The following RUNX2 variants were observed in gnomAD, a reference collection of about 807,000 sequenced individuals.
RUNX2 encodes RUNX family transcription factor 2.
Under a neutral mutation model 51.7 loss-of-function variants are expected in RUNX2, and 10 were observed. That is an observed-to-expected ratio of 0.19 (90% CI 0.12 to 0.33). The LOEUF is 0.33. Among genes scored for constraint, RUNX2 ranks in the 10% least tolerant of loss-of-function variants. The probability of loss-of-function intolerance (pLI) is 1.00; values close to 1 mark genes in which losing one functional copy is unlikely to be tolerated. For synonymous variants in RUNX2, 276 were observed against 273.6 expected, an observed-to-expected ratio of 1.01 and a Z score of -0.09; for missense variants, 562 against 691.3, an observed-to-expected ratio of 0.81 and a Z score of 2.10.
Position 45,485,870 on chromosome 6 carries a change from C to T in RUNX2, c.686-6071C>T, listed in dbSNP as rs1454820134. ...CATGATTTTGTCAGTGAGGTTTCCT[C>T]TTTCCCCTTAGTCAAAATCAATTGC... On this transcript the variant is annotated intron_variant, in intron 5 of 8. Transcript: ENST00000647337. Among the ~76,000 whole-genome samples the T allele has an allele frequency of 2.0e-5, 3 of 151,856 alleles. No homozygotes were observed. In the East Asian group the frequency reaches 5.8e-4, roughly 29 times the overall value.
At chr6:45,422,012 C>A (rs987571849) in intron 2 of RUNX2, 1 of 149,474 alleles carries the variant, frequency 6.7e-6, no homozygotes, top group African/African-American at 2.4e-5. Flanking sequence ...GCGTGCAGCC[C>A]GCGCGGGGGG....
At chr6:45,424,581 C>T (rs1222526444) in intron 3 of RUNX2, among the ~76,000 whole-genome samples, 2 of 152,044 alleles carry the variant, frequency 1.3e-5, no homozygotes, top group Admixed American at 6.5e-5. Flanking sequence ...CCAGTTTCTC[C>T]GCTGGGGACC....
At chr6:45,459,337 A>T (rs1217726631) in intron 5 of RUNX2, among the ~76,000 whole-genome samples, 1 of 152,224 alleles carries the variant, frequency 6.6e-6, no homozygotes, top group Non-Finnish European at 1.5e-5. Context: ...TGAATTGCTG[A>T]ATATACTTGA....
At chr6:45,382,620 C>A (rs1197464862) in intron 2 of RUNX2, among the ~76,000 whole-genome samples, 4 of 152,152 alleles carry the variant, frequency 2.6e-5, no homozygotes, top group Non-Finnish European at 1.5e-5. Context: ...GCCACTGTAG[C>A]TAAAGAAGAG....
intron 2 of RUNX2, among the ~76,000 whole-genome samples, chr6:45,406,607 T>C (rs989192123): frequency 6.6e-6 from 1 of 152,192 alleles, no homozygotes; most frequent in African/African-American, 2.4e-5. Flanking sequence ...GGTTTTGCCA[T>C]GTTGGCCAGG....
At chr6:45,436,970 C>T (rs779765313) in intron 4 of RUNX2, among the ~76,000 whole-genome samples, 7 of 152,196 alleles carry the variant, frequency 4.6e-5, no homozygotes, top group Non-Finnish European at 1.0e-4. Flanking sequence ...CACTGTTTCA[C>T]GCCCACCTCT....
At chr6:45,366,600 C>A (rs1795179462) in intron 2 of RUNX2, among the ~76,000 whole-genome samples, 1 of 152,140 alleles carries the variant, frequency 6.6e-6, no homozygotes, top group African/African-American at 2.4e-5. Context: ...AGATGTATTA[C>A]CCTTTTTTTC....
intron 7 of RUNX2, among the ~76,000 whole-genome samples, chr6:45,541,459 A>T (rs1338587567): frequency 6.6e-6 from 1 of 152,232 alleles, no homozygotes; most frequent in Non-Finnish European, 1.5e-5. Flanking sequence ...GCAGCTCCAC[A>T]TAGGTCTTGT....
Position 45,333,779 on chromosome 6 carries a change from C to T in RUNX2, c.58+4995C>T, listed in dbSNP as rs371038770. 1.2e-4 allele frequency among the ~76,000 whole-genome samples: 18 copies of T among 151,414 alleles called. No homozygotes were observed. In the East Asian group the frequency reaches 2.9e-3, roughly 24 times the overall value. On this transcript the variant is annotated intron_variant, in intron 2 of 8. Coordinates refer to ENST00000647337, the MANE Select transcript of RUNX2 (RefSeq NM_001024630.4). ...ACATGAAGAGAAAAAAATTGTTATT[C>T]ATGCACTTCCTCTACTCTATATTCT...
At chr6:45,371,246 A>T (rs1478740851) in intron 2 of RUNX2, among the ~76,000 whole-genome samples, 5 of 152,204 alleles carry the variant, frequency 3.3e-5, no homozygotes, top group South Asian at 4.1e-4. Context: ...AGAATTCTGC[A>T]TTAAACATAA....
In RUNX2 at chr6:45,422,708, A is replaced by ACAGCAGCAGCAGCAT. The variant is rs1798240075; in HGVS notation, c.188_189insTCAGCAGCAGCAGCA (p.Gln62_Gln63insHisGlnGlnGlnGln). ...AGCAGCAGCAACAGCAGCAGCAGCA[A>ACAGCAGCAGCAGCAT]CAGCAGCAGCAGCAGCAGCAACAGC... On this transcript the variant is annotated inframe_insertion, in exon 3 of 9. Transcript: ENST00000647337. 1 of 1,565,860 alleles carries ACAGCAGCAGCAGCAT rather than the reference A, an allele frequency of 6.4e-7. No individual in the cohort carries two copies. Among genetic ancestry groups the ACAGCAGCAGCAGCAT allele is most frequent in the Non-Finnish European group, 8.7e-7 (1 of 1,150,958 alleles).
chr6:45,471,571 A>G (rs758002886), intron 5 of RUNX2, among the ~76,000 whole-genome samples: 1 of 149,584 alleles, frequency 6.7e-6, no homozygotes, highest in Non-Finnish European at 1.5e-5. Context: ...CAGCCTCCCC[A>G]GCAGCTGGGA....
chr6:45,337,861 A>T (rs916410827), intron 2 of RUNX2, among the ~76,000 whole-genome samples: 1 of 152,012 alleles, frequency 6.6e-6, no homozygotes, highest in Non-Finnish European at 1.5e-5. Context: ...TGTAAGTAGA[A>T]ATAAGATTTT....
chr6:45,517,499 A>C (rs980900600), intron 7 of RUNX2, among the ~76,000 whole-genome samples: 4 of 152,062 alleles, frequency 2.6e-5, no homozygotes, highest in African/African-American at 4.8e-5. Context: ...TGTATGGAAG[A>C]TTCTTCTCTG....
chr6:45,534,409 A>C (rs148075712), intron 7 of RUNX2, among the ~76,000 whole-genome samples: 114 of 152,292 alleles, frequency 7.5e-4, no homozygotes, highest in African/African-American at 2.6e-3. Flanking sequence ...GTGAAGGTAA[A>C]ACCAAATGTA....
At chr6:45,354,463 CT>C (rs1195427877) in intron 2 of RUNX2, among the ~76,000 whole-genome samples, 7 of 152,080 alleles carry the variant, frequency 4.6e-5, no homozygotes. Context: ...ATCATAGATG[CT>C]TTTATGATCT....
intron 7 of RUNX2, among the ~76,000 whole-genome samples, chr6:45,514,156 G>A (rs573445485): frequency 6.6e-6 from 1 of 152,274 alleles, no homozygotes; most frequent in African/African-American, 2.4e-5. Flanking sequence ...GGTAGCATTA[G>A]AGACACTTAA....
intron 5 of RUNX2, among the ~76,000 whole-genome samples, chr6:45,474,373 A>ATATGTG (rs1799893559): frequency 6.7e-6 from 1 of 149,520 alleles, no homozygotes; most frequent in South Asian, 2.1e-4. Context: ...TGTTTTATAT[A>ATATGTG]TGTGTGTGTG....
intron 6 of RUNX2, among the ~76,000 whole-genome samples, chr6:45,506,938 G>A (rs1429013908): frequency 1.3e-5 from 2 of 151,226 alleles, no homozygotes; most frequent in Non-Finnish European, 2.9e-5. Context: ...TTCCAGGCCT[G>A]AGCCACCGTG....
Sources: gnomAD v4.1 joint callset for allele counts (sites outside exome capture counted in the v4.1 genomes callset) on GRCh38, gnomAD v4.1.1 for gene constraint, MANE v1.5 for transcripts, NCBI Gene and HGNC (gene_info 2026-07-23, HGNC 2026-07-21) for gene names.